Variants in CHIC1 observed in about 807,000 individuals in gnomAD.
CHIC1 encodes cysteine rich hydrophobic domain 1.
CHIC1 carries 7 observed loss-of-function variants against 18.5 expected under a neutral mutation model. The observed-to-expected ratio is 0.38, with a 90% confidence interval of 0.22 to 0.71. The LOEUF (loss-of-function observed/expected upper bound fraction) is 0.71, where lower values mean the gene tolerates loss of function less well. Among genes scored for constraint, CHIC1 ranks in the 30% least tolerant of loss-of-function variants. The pLI is 0.49. For missense variants in CHIC1, 159 were observed against 176.9 expected (o/e 0.90, Z 0.57); for synonymous variants, 77 against 73.5 (o/e 1.05, Z -0.25).
At chrX:73,655,537 T>C (rs750296374) in intron 3 of CHIC1, among the ~76,000 whole-genome samples, 13 of 52,860 alleles carry the variant, frequency 2.5e-4, no homozygotes, top group Non-Finnish European at 4.3e-4. Flanking sequence ...TATATATATA[T>C]ACATATATAT....
intron 3 of CHIC1, among the ~76,000 whole-genome samples, chrX:73,628,840 A>G (rs1000123201): frequency 6.3e-5 from 7 of 111,181 alleles, no homozygotes; most frequent in Non-Finnish European, 1.3e-4. Flanking sequence ...GGTGAGGACG[A>G]TTGGTGGAGC....
At position 73,679,662 on chromosome X, in the gene CHIC1, G is replaced by A. The variant is rs2058087839; in HGVS notation, c.573G>A (p.Leu191=). The change falls in exon 5 of 6, where the codon TTG becomes TTA. Residue 191 remains leucine, a synonymous_variant. Coordinates refer to ENST00000373502, the MANE Select transcript of CHIC1 (RefSeq NM_001039840.4). ...AGACTATACTTTCTTAGCTTGCTTT[G>A]CACTGGAAGTTGACTAAGAGGAAAT... The part of the protein sequence containing the change: ...ENNRLYHKLA[L]HWKLTKRKCE... The A allele has an allele frequency of 8.9e-7, 1 of 1,124,473 alleles. No individual in the cohort carries two copies. The highest frequency in any genetic ancestry group is 3.3e-5 in the East Asian group (1 of 30,469). 92.7% of individuals were successfully genotyped at this position (1,124,473 alleles called of 1,213,427 possible). A position where few individuals can be genotyped will look rare whatever the true frequency, so the allele number is the denominator to read the frequency against.
At chrX:73,645,769 C>A (rs1306701076) in intron 3 of CHIC1, among the ~76,000 whole-genome samples, 1 of 111,587 alleles carries the variant, frequency 9.0e-6, no homozygotes, top group Non-Finnish European at 1.9e-5. Context: ...TGTTTTACTA[C>A]AGTTTGAGTT....
intron 3 of CHIC1, among the ~76,000 whole-genome samples, chrX:73,678,135 T>TTGGTTC (rs1201400063): frequency 9.0e-6 from 1 of 111,715 alleles, no homozygotes; most frequent in Non-Finnish European, 1.9e-5. Flanking sequence ...TGCTTTGGCT[T>TTGGTTC]TGGTTCTGCA....
chrX:73,625,721 A>G (rs947703412), intron 3 of CHIC1, among the ~76,000 whole-genome samples: 11 of 111,052 alleles, frequency 9.9e-5, no homozygotes, highest in Admixed American at 2.9e-4. Flanking sequence ...TATTGAGAGG[A>G]TCCTCTAACC....
intron 3 of CHIC1, among the ~76,000 whole-genome samples, chrX:73,666,632 C>T (rs1244895487): frequency 4.5e-5 from 5 of 112,104 alleles, no homozygotes; most frequent in African/African-American, 1.6e-4. Flanking sequence ...TTCAGTCCAA[C>T]GAAGTTGACA....
At chrX:73,629,782 T>C (rs1435361175) in intron 3 of CHIC1, among the ~76,000 whole-genome samples, 2 of 112,269 alleles carry the variant, frequency 1.8e-5, no homozygotes, top group African/African-American at 6.5e-5. Flanking sequence ...AGATCTTCTG[T>C]GGTTCCATGT....
intron 3 of CHIC1, among the ~76,000 whole-genome samples, chrX:73,646,751 G>T: frequency 8.9e-6 from 1 of 112,105 alleles, no homozygotes; most frequent in Middle Eastern, 4.6e-3. Context: ...CTATTTATAG[G>T]ATAAGGTCAT....
intron 1 of CHIC1, among the ~76,000 whole-genome samples, chrX:73,572,852 T>C (rs1170543723): frequency 2.7e-5 from 3 of 111,527 alleles, no homozygotes; most frequent in African/African-American, 9.7e-5. Context: ...CTGTATATTA[T>C]ACCTTTGTTG....
chrX:73,641,099 C>G (rs991969100), intron 3 of CHIC1, among the ~76,000 whole-genome samples: 4 of 111,792 alleles, frequency 3.6e-5, no homozygotes, highest in African/African-American at 1.3e-4. Flanking sequence ...TTATTTTTCA[C>G]CTAGAAGTCA....
At chrX:73,577,517 C>T in intron 2 of CHIC1, 56 bp downstream of exon 2, 2 of 888,625 alleles carry the variant, frequency 2.3e-6, no homozygotes, top group Non-Finnish European at 3.3e-6. Context: ...TTATGGCTTA[C>T]TCATTGTTAT....
At chrX:73,645,260 C>G (rs1343229963) in intron 3 of CHIC1, among the ~76,000 whole-genome samples, 1 of 112,199 alleles carries the variant, frequency 8.9e-6, no homozygotes, top group Non-Finnish European at 1.9e-5. Context: ...CTTAATGCTG[C>G]ATAGAATTCT....
At chrX:73,653,806 A>C (rs988094553) in intron 3 of CHIC1, among the ~76,000 whole-genome samples, 1 of 111,872 alleles carries the variant, frequency 8.9e-6, no homozygotes, top group African/African-American at 3.2e-5. Flanking sequence ...TTCCTAAAAA[A>C]TTTTTTGTAT....
At chrX:73,635,919 G>A (rs896316299) in intron 3 of CHIC1, among the ~76,000 whole-genome samples, 29 of 111,557 alleles carry the variant, frequency 2.6e-4, no homozygotes, top group Non-Finnish European at 2.6e-4. Flanking sequence ...TGTTATTCAA[G>A]TACTCTCTTT....
intron 3 of CHIC1, among the ~76,000 whole-genome samples, chrX:73,627,899 A>C (rs2057790927): frequency 8.9e-6 from 1 of 111,743 alleles, no homozygotes; most frequent in Non-Finnish European, 1.9e-5. Context: ...TAATGTGCTG[A>C]GTCTCACCTG....
intron 3 of CHIC1, among the ~76,000 whole-genome samples, chrX:73,601,495 A>G (rs1351103239): frequency 9.4e-6 from 1 of 106,616 alleles, no homozygotes; most frequent in Non-Finnish European, 1.9e-5. Flanking sequence ...AGAAATAAAG[A>G]TGTTCTTTGA....
intron 3 of CHIC1, among the ~76,000 whole-genome samples, chrX:73,623,572 C>T (rs759264163): frequency 8.1e-4 from 89 of 109,303 alleles, no homozygotes; most frequent in African/African-American, 2.6e-3. Flanking sequence ...AGCCTACACA[C>T]GTAGAATTTT....
intron 3 of CHIC1, among the ~76,000 whole-genome samples, chrX:73,618,797 C>T (rs763389126): frequency 1.8e-5 from 2 of 112,574 alleles, no homozygotes; most frequent in Non-Finnish European, 3.8e-5. Flanking sequence ...ACCTCCTCCC[C>T]TGATTTCTGT....
chrX:73,677,867 G>A (rs1020935093), intron 3 of CHIC1, among the ~76,000 whole-genome samples: 5 of 111,837 alleles, frequency 4.5e-5, no homozygotes, highest in South Asian at 3.7e-4. Flanking sequence ...GTTTCTATTC[G>A]GCCATCTTGG....
Sources: gnomAD v4.1 joint callset for allele counts (sites outside exome capture counted in the v4.1 genomes callset) on GRCh38, gnomAD v4.1.1 for gene constraint, MANE v1.5 for transcripts, NCBI Gene and HGNC (gene_info 2026-07-23, HGNC 2026-07-21) for gene names.